ECE1: variants seen among roughly 807,000 people sequenced by gnomAD.
The protein encoded by ECE1 is endothelin converting enzyme 1, also known as endothelin-converting enzyme 1.
In ECE1, 35 loss-of-function variants were observed where a neutral mutation model predicts 98.6. The observed-to-expected ratio is 0.35, with a 90% CI of 0.27 to 0.47. The LOEUF is 0.47. ECE1 is among the 20% of genes least tolerant of loss of function. ECE1 has a pLI of 1.00. For synonymous variants in ECE1, 394 were observed against 407.1 expected (o/e 0.97, Z 0.39); for missense variants, 814 against 1,025.3 (o/e 0.79, Z 2.81).
At chr1:21,271,539 C>T (rs1242831450) in intron 4 of ECE1, among the ~76,000 whole-genome samples, 1 of 152,056 alleles carries the variant, frequency 6.6e-6, no homozygotes, top group Non-Finnish European at 1.5e-5. Flanking sequence ...CAGAATGCAG[C>T]CTCTCCCAGC....
In ECE1 at chr1:21,339,145, G is replaced by C. The variant is rs540529177; in HGVS notation, c.3+6231C>G. ...GCTGGGGATCTCAGGGCGGGGGACT[G>C]GGCTGGGAGTCACAAGGCCTGAGTT... On this transcript the variant is annotated intron_variant, in intron 1 of 18. Coordinates refer to the ECE1 transcript ENST00000415912. 6.7e-4 allele frequency among the ~76,000 whole-genome samples: 102 copies of C among 152,304 alleles called. No homozygotes were observed. In the South Asian group the frequency reaches 9.9e-3, roughly 15 times the overall value.
rs1639383631 is a variant in ECE1, at chr1:21,340,789, CA to C, written c.3+4586del. ...CTGAGGCTGCAGTGAGCTGAGATTG[CA>C]CCACTGCACTCAGCCTGGGTGACAG... On this transcript the variant is annotated intron_variant, in intron 1 of 18. Transcript: ENST00000415912. This position sits in a 1 kb window ranked among gnomAD's most constrained non-coding sequence, Gnocchi z 4.6. 6.6e-6 allele frequency among the ~76,000 whole-genome samples: 1 copy of C among 152,138 alleles called. No individual in the cohort carries two copies. Among genetic ancestry groups the C allele is most frequent in the Admixed American group, 6.5e-5 (1 of 15,280 alleles).
intron 1 of ECE1, among the ~76,000 whole-genome samples, chr1:21,334,861 T>G (rs1432161533): frequency 1.3e-5 from 2 of 152,000 alleles, no homozygotes; most frequent in Non-Finnish European, 2.9e-5. Context: ...CAGACGAATA[T>G]CCTGAGGCCC....
intron 18 of ECE1, 105 bp downstream of exon 18, chr1:21,221,642 G>T: frequency 8.5e-7 from 1 of 1,172,950 alleles, no homozygotes; most frequent in Non-Finnish European, 1.3e-6. Flanking sequence ...CAGTGACTTG[G>T]GAAGTTCTCA....
rs1409048012 is a variant in ECE1, at chr1:21,307,974, T to TC, written c.4-17819dup. ...CCCAATGGGTCACACGCCTTCTGGA[T>TC]CCCCCCAGAAGGTCTAGAATGGGGT... On this transcript the variant is annotated intron_variant, in intron 1 of 18. Coordinates refer to the ECE1 transcript ENST00000415912. This position sits in a 1 kb window ranked among gnomAD's most constrained non-coding sequence, Gnocchi z 4.2. 1.3e-5 allele frequency among the ~76,000 whole-genome samples: 2 copies of TC among 151,914 alleles called. No homozygotes were observed. Among genetic ancestry groups the TC allele is most frequent in the Admixed American group, 1.3e-4 (2 of 15,254 alleles).
chr1:21,309,218 G>A (rs530332311), intron 1 of ECE1, among the ~76,000 whole-genome samples: 2 of 152,198 alleles, frequency 1.3e-5, no homozygotes, highest in Non-Finnish European at 2.9e-5. Flanking sequence ...AAAGAACCCT[G>A]GGCTGGAGTC....
intron 17 of ECE1, chr1:21,222,170 GCA>G (rs1157094787): frequency 1.2e-4 from 47 of 389,878 alleles, no homozygotes; most frequent in African/African-American, 9.3e-4. Flanking sequence ...TCGTGTGTGT[GCA>G]TGCACACACA....
Position 21,225,324 on chromosome 1 carries a change from C to A in ECE1, c.1966G>T (p.Gly656Trp), listed in dbSNP as rs367812436. Reference sequence around the variant, plus strand: ...GTGTGCCGCCCGTTCACCGGCTCCCCGTTCACGCTGTAGTTGCTGTACTGC... The same window carrying A: ...GTGTGCCGCCCGTTCACCGGCTCCCAGTTCACGCTGTAGTTGCTGTACTGC... ...VEQYSNYSVNGEPVNGRHTLG... is the reference protein window; with the variant it reads ...VEQYSNYSVNWEPVNGRHTLG... Residue 656 changes from glycine (G) to tryptophan (W), a missense_variant, in exon 17 of 19, where the codon GGG becomes TGG. Gly to Trp is a radical substitution (Grantham distance 184). Coordinates refer to ENST00000374893, the MANE Select transcript of ECE1 (RefSeq NM_001397.3). The surrounding 1 kb of genome is among the most constrained non-coding windows in gnomAD (Gnocchi z 5.3). The A allele has an allele frequency of 2.0e-5, 32 of 1,614,234 alleles. No homozygotes were observed. Among genetic ancestry groups the A allele is most frequent in the Non-Finnish European group, 2.6e-5 (31 of 1,180,036 alleles).
intron 1 of ECE1, among the ~76,000 whole-genome samples, chr1:21,305,366 G>A (rs1423694810): frequency 2.0e-5 from 3 of 152,226 alleles, no homozygotes; most frequent in African/African-American, 7.2e-5. Context: ...CGAGTTGAAT[G>A]AATGAATGAA....
chr1:21,251,285 G>A (rs2098212505), intron 8 of ECE1, among the ~76,000 whole-genome samples: 1 of 152,142 alleles, frequency 6.6e-6, no homozygotes. Context: ...GGCCAAGACA[G>A]GAGAATCACC....
At chr1:21,265,634 C>T (rs1012918357) in intron 4 of ECE1, among the ~76,000 whole-genome samples, 8 of 152,190 alleles carry the variant, frequency 5.3e-5, no homozygotes, top group Admixed American at 2.0e-4. Flanking sequence ...TTCAGGCCCC[C>T]AACCTTGCCT....
At chr1:21,328,852 T>C (rs213036) in intron 1 of ECE1, among the ~76,000 whole-genome samples, 57,392 of 151,180 alleles carry the variant, frequency 0.38, 13,358 homozygotes, top group African/African-American at 0.66. Flanking sequence ...AGGCCTCGGC[T>C]GCTGAGGGTC....
chr1:21,218,940 C>G lies in ECE1; in HGVS notation c.*1015G>C, dbSNP rs530363592. 1 of 152,398 alleles carries G rather than the reference C, an allele frequency of 6.6e-6. No homozygotes were observed. The highest frequency in any genetic ancestry group is 1.9e-4 in the East Asian group (1 of 5,182). The allele number at this position is 152,398 out of a possible 1,614,324, so 9.4% of individuals were successfully genotyped here. A position where few individuals can be genotyped will look rare whatever the true frequency, so the allele number is the denominator to read the frequency against. Reference sequence around the variant, plus strand: ...GGGGAAGAGGGTTGGCCGGACAGACCCTGGTGTGGCTGGGATGGGGGACTG... The same window carrying G: ...GGGGAAGAGGGTTGGCCGGACAGACGCTGGTGTGGCTGGGATGGGGGACTG... On this transcript the variant is annotated 3_prime_UTR_variant, in exon 19 of 19. Transcript: ENST00000374893. The surrounding 1 kb of genome is among the most constrained non-coding windows in gnomAD (Gnocchi z 4.0).
chr1:21,345,429 G>T lies in ECE1; in HGVS notation c.-51C>A. 1.5e-6 allele frequency: 2 copies of T among 1,307,524 alleles called. No individual in the cohort carries two copies. The highest frequency in any genetic ancestry group is 2.0e-6 in the Non-Finnish European group (2 of 1,016,508). 81.0% of individuals were successfully genotyped at this position (1,307,524 alleles called of 1,614,324 possible). On this transcript the variant is annotated 5_prime_UTR_variant, in exon 1 of 19. Coordinates refer to the ECE1 transcript ENST00000415912. This position sits in a 1 kb window ranked among gnomAD's most constrained non-coding sequence, Gnocchi z 5.1. ...GCGCAGCTCCCCGCGCCCGGCTCCCGATTCCCAGCTCCGGGTTCCCTGCTC... is the reference window on the plus strand; with the variant it reads ...GCGCAGCTCCCCGCGCCCGGCTCCCTATTCCCAGCTCCGGGTTCCCTGCTC...
At chr1:21,328,121 C>T (rs901812501) in intron 1 of ECE1, among the ~76,000 whole-genome samples, 1 of 152,230 alleles carries the variant, frequency 6.6e-6, no homozygotes, top group Non-Finnish European at 1.5e-5. Flanking sequence ...ATAGGTCACT[C>T]ACCCCAGGAC....
In ECE1 at chr1:21,345,190, G is replaced by A. The variant is rs989955444; in HGVS notation, c.3+186C>T. 2.3e-5 allele frequency: 18 copies of A among 771,604 alleles called. No homozygotes were observed. The highest frequency in any genetic ancestry group is 2.7e-5 in the Non-Finnish European group (16 of 598,632). 47.8% of individuals were successfully genotyped at this position (771,604 alleles called of 1,614,324 possible). On this transcript the variant is annotated intron_variant, in intron 1 of 18. Coordinates refer to the ECE1 transcript ENST00000415912. This position sits in a 1 kb window ranked among gnomAD's most constrained non-coding sequence, Gnocchi z 5.1. The stretch of plus-strand genomic sequence containing the variant: ...ACGGGACCAAGCGCAGCGCCGCCGG[G>A]AGAGCCGCGCTCTGCCCGGGCGCTC...
chr1:21,224,005 C>T lies in ECE1; in HGVS notation c.2040+1245G>A, dbSNP rs551672853. ...ACAAAACCAAAGGTCCTTCCTTAGC[C>T]GCAGCCGACAGAAGCCTGGAGTGGT... On this transcript the variant is annotated intron_variant, in intron 17 of 18. Transcript: ENST00000374893. Among the ~76,000 whole-genome samples the T allele has an allele frequency of 2.0e-3, 299 of 152,262 alleles. 1 individual carries two copies. Among genetic ancestry groups the T allele is most frequent in the Non-Finnish European group, 3.2e-3 (220 of 68,034 alleles).
chr1:21,256,007 T>C lies in ECE1; in HGVS notation c.960A>G (p.Pro320=), dbSNP rs754089812. 46 of 1,613,952 alleles carry C rather than the reference T, an allele frequency of 2.9e-5. No homozygotes were observed. Among genetic ancestry groups the C allele is most frequent in the Non-Finnish European group, 3.6e-5 (43 of 1,179,894 alleles). The stretch of plus-strand genomic sequence containing the variant: ...GCTCCTCATCACGGCGCTTCTCCTG[T>C]GGGATGGTGATGTTGGCCAGTGCCG... ...FETALANITI[P]QEKRRDEELI... is the part of the protein sequence containing the mutation. The change falls in exon 8 of 19, where the codon CCA becomes CCG. Residue 320 remains proline, a synonymous_variant. Coordinates refer to ENST00000374893, the MANE Select transcript of ECE1 (RefSeq NM_001397.3).
At chr1:21,336,884 T>A (rs1339693159) in intron 1 of ECE1, among the ~76,000 whole-genome samples, 2 of 151,182 alleles carry the variant, frequency 1.3e-5, no homozygotes, top group Admixed American at 6.6e-5. Context: ...AGAAAAAATT[T>A]GCCTGGTGTT....
Sources: gnomAD v4.1 joint callset for allele counts (sites outside exome capture counted in the v4.1 genomes callset) on GRCh38, gnomAD v4.1.1 for gene constraint, Gnocchi (gnomAD v3.1) non-coding constraint, MANE v1.5 for transcripts, NCBI Gene and HGNC (gene_info 2026-07-23, HGNC 2026-07-21) for gene names.